The following ZHX3 variants were observed in gnomAD, a reference collection of about 807,000 sequenced individuals.
ZHX3 encodes the protein zinc fingers and homeoboxes 3.
A neutral mutation model predicts 64.5 loss-of-function variants in ZHX3; 20 were observed. The observed-to-expected ratio is 0.31, with a 90% CI of 0.22 to 0.45. ZHX3 has a LOEUF of 0.45. Ranked by LOEUF, ZHX3 falls within the 20% of genes least tolerant of loss-of-function variation. ZHX3 has a pLI of 1.00. For missense variants in ZHX3, 1,041 were observed against 1,195.8 expected (o/e 0.87, Z 1.91); for synonymous variants, 423 against 461.6 (o/e 0.92, Z 1.07).
intron 2 of ZHX3, among the ~76,000 whole-genome samples, chr20:41,243,417 C>T (rs1007012367): frequency 6.6e-6 from 1 of 152,136 alleles, no homozygotes; most frequent in Non-Finnish European, 1.5e-5. Context: ...TTCATTTTCC[C>T]GATTCAATCC....
intron 2 of ZHX3, among the ~76,000 whole-genome samples, chr20:41,223,065 T>C (rs1401565365): frequency 6.6e-6 from 1 of 152,114 alleles, no homozygotes; most frequent in African/African-American, 2.4e-5. Flanking sequence ...CAAGAAAAAA[T>C]GCTCAATTTC....
intron 1 of ZHX3, among the ~76,000 whole-genome samples, chr20:41,283,193 G>C (rs952727935): frequency 1.3e-5 from 2 of 152,132 alleles, no homozygotes; most frequent in Non-Finnish European, 2.9e-5. Flanking sequence ...ACAGGTGTGA[G>C]CCACCATGCC....
rs765108322 is a variant in ZHX3, at chr20:41,183,837, G to A, written c.*1354C>T. ...AGGATTTACCATTTAGAACAGCTCT[G>A]TAAGCAAGTTTTCTAATTTTCAAAG... On this transcript the variant is annotated 3_prime_UTR_variant, in exon 4 of 4. Coordinates refer to ENST00000683867, the MANE Select transcript of ZHX3 (RefSeq NM_001384317.1). The surrounding 1 kb of genome is among the most constrained non-coding windows in gnomAD (Gnocchi z 5.3). 8 of 152,234 alleles carry A rather than the reference G, an allele frequency of 5.3e-5. No homozygotes were observed. The highest frequency in any genetic ancestry group is 1.0e-4 in the Non-Finnish European group (7 of 68,044). The allele number at this position is 152,234 out of a possible 1,614,324, so 9.4% of individuals were successfully genotyped here.
At chr20:41,302,637 T>C (rs576470716) in intron 1 of ZHX3, among the ~76,000 whole-genome samples, 1 of 152,358 alleles carries the variant, frequency 6.6e-6, no homozygotes, top group Non-Finnish European at 1.5e-5. Context: ...ACCATCTCTC[T>C]TTTAGCCTTG....
At chr20:41,250,997 T>C (rs1005241087) in intron 2 of ZHX3, among the ~76,000 whole-genome samples, 6 of 151,646 alleles carry the variant, frequency 4.0e-5, no homozygotes, top group Non-Finnish European at 4.4e-5. Context: ...AAATAAAAAA[T>C]AATAACAAAT....
intron 1 of ZHX3, among the ~76,000 whole-genome samples, chr20:41,311,361 T>C (rs1421180057): frequency 1.3e-5 from 2 of 152,218 alleles, no homozygotes; most frequent in Non-Finnish European, 2.9e-5. Context: ...AAAAACAGAC[T>C]TAGACATGTA....
chr20:41,188,483 C>T (rs1214988115), intron 3 of ZHX3: 2 of 145,394 alleles, frequency 1.4e-5, no homozygotes, highest in Non-Finnish European at 3.0e-5. Context: ...AACCACGGCT[C>T]ACTGCAGTCT....
chr20:41,256,369 A>AT (rs577341966), intron 2 of ZHX3, among the ~76,000 whole-genome samples: 238 of 96,870 alleles, frequency 2.5e-3, no homozygotes, highest in African/African-American at 0.013. Flanking sequence ...GTAAATTGAG[A>AT]ATTTTTTTAT....
chr20:41,207,326 T>C (rs894573475), intron 2 of ZHX3, among the ~76,000 whole-genome samples: 7 of 151,788 alleles, frequency 4.6e-5, no homozygotes, highest in South Asian at 4.1e-4. Context: ...GTAAATGGGC[T>C]AAATGCACCA....
At position 41,182,017 on chromosome 20, in the gene ZHX3, A is replaced by G. The variant is rs2036269164; in HGVS notation, c.*3174T>C. On this transcript the variant is annotated 3_prime_UTR_variant, in exon 4 of 4. Coordinates refer to ENST00000683867, the MANE Select transcript of ZHX3 (RefSeq NM_001384317.1). This position sits in a 1 kb window ranked among gnomAD's most constrained non-coding sequence, Gnocchi z 6.1. Reference sequence around the variant, plus strand: ...TAGGGCGTTCTTTTTCAGGAACCCAAGATTCTCAAAAATGACACTCCTCCC... The same window carrying G: ...TAGGGCGTTCTTTTTCAGGAACCCAGGATTCTCAAAAATGACACTCCTCCC... The G allele has an allele frequency of 1.3e-5, 2 of 152,202 alleles. No homozygotes were observed. Among genetic ancestry groups the G allele is most frequent in the South Asian group, 4.1e-4 (2 of 4,832 alleles). The allele number at this position is 152,202 out of a possible 1,614,324, so 9.4% of individuals were successfully genotyped here. A position where few individuals can be genotyped will look rare whatever the true frequency, so the allele number is the denominator to read the frequency against.
intron 3 of ZHX3, among the ~76,000 whole-genome samples, chr20:41,196,400 TATTATATATTATATATAATATATATTTA>T (rs1568795973): frequency 1.3e-3 from 30 of 22,510 alleles, no homozygotes; most frequent in East Asian, 0.012. Flanking sequence ...TATTTATATA[TATTATATATTATATATAATATATATTTA>T]TATAAATATA....
intron 2 of ZHX3, among the ~76,000 whole-genome samples, chr20:41,234,469 T>C (rs549051682): frequency 6.1e-4 from 93 of 152,312 alleles, no homozygotes; most frequent in Non-Finnish European, 1.0e-3. Flanking sequence ...CTCTCCATTT[T>C]ATACACATAA....
chr20:41,270,302 G>A (rs2043071174), intron 1 of ZHX3, among the ~76,000 whole-genome samples: 1 of 145,394 alleles, frequency 6.9e-6, no homozygotes, highest in Non-Finnish European at 1.5e-5. Flanking sequence ...CTTGAACCCA[G>A]GAAGCAGCAG....
At chr20:41,292,129 A>T (rs183011110) in intron 1 of ZHX3, among the ~76,000 whole-genome samples, 83 of 152,042 alleles carry the variant, frequency 5.5e-4, no homozygotes, top group Middle Eastern at 6.8e-3. Context: ...TTTTTATGAA[A>T]ATAGAGCAGC....
At chr20:41,296,682 A>ATCATT (rs1393685613) in intron 1 of ZHX3, among the ~76,000 whole-genome samples, 13 of 152,212 alleles carry the variant, frequency 8.5e-5, no homozygotes, top group African/African-American at 3.1e-4. Context: ...TGGCAGGCTA[A>ATCATT]TCATTATGAA....
chr20:41,245,518 C>G (rs926697102), intron 2 of ZHX3, among the ~76,000 whole-genome samples: 7 of 152,192 alleles, frequency 4.6e-5, no homozygotes, highest in African/African-American at 1.4e-4. Flanking sequence ...AGAGTTAACG[C>G]TGAGGTGAAC....
chr20:41,187,881 T>C (rs2036661348), intron 3 of ZHX3, among the ~76,000 whole-genome samples: 1 of 152,224 alleles, frequency 6.6e-6, no homozygotes, highest in Non-Finnish European at 1.5e-5. Flanking sequence ...ATTTAGGGTA[T>C]CCATCACCTT....
rs1165988773 is a variant in ZHX3 at position 41,203,056 on chromosome 20, G to A, written c.1861C>T (p.Pro621Ser). The A allele has an allele frequency of 6.2e-7, 1 of 1,614,014 alleles. No individual in the cohort carries two copies. Among genetic ancestry groups the A allele is most frequent in the Non-Finnish European group, 8.5e-7 (1 of 1,180,034 alleles). ...FTPTKYKERA[P>S]EQLRALESSF... ...CTCTCCAGGGCTCTGAGCTGCTCAG[G>A]GGCTCTCTCCTTGTATTTGGTTGGT... The change falls in exon 3 of 4, where the codon CCT (proline) becomes TCT (serine). Residue 621 changes from proline (P) to serine (S), a missense_variant. By Grantham distance (74) the Pro-to-Ser change is moderately conservative. Around this residue, in one of 4 missense-constraint regions of ZHX3, gnomAD observed 649 missense variants for 739.8 expected, o/e 0.88. Transcript: ENST00000683867. This position sits in a 1 kb window ranked among gnomAD's most constrained non-coding sequence, Gnocchi z 7.1.
intron 2 of ZHX3, among the ~76,000 whole-genome samples, chr20:41,225,585 T>C (rs1275799037): frequency 6.6e-6 from 1 of 152,190 alleles, no homozygotes; most frequent in African/African-American, 2.4e-5. Flanking sequence ...CCTCCCAGGT[T>C]CAAGCGATTC....
Sources: gnomAD v4.1 joint callset for allele counts (sites outside exome capture counted in the v4.1 genomes callset) on GRCh38, gnomAD v4.1.1 for gene constraint, gnomAD v4.1.1 regional missense constraint, Gnocchi (gnomAD v3.1) non-coding constraint, MANE v1.5 for transcripts, NCBI Gene and HGNC (gene_info 2026-07-23, HGNC 2026-07-21) for gene names.